ARHGAP26: variants seen among roughly 807,000 people sequenced by gnomAD.
The protein encoded by ARHGAP26 is rho GTPase-activating protein 26.
ARHGAP26 carries 38 observed loss-of-function variants against 104.8 expected under a neutral mutation model. The ratio of observed to expected loss-of-function variants is 0.36; its 90% CI spans 0.28 to 0.48. The LOEUF is 0.48. ARHGAP26 is among the 20% of genes least tolerant of loss of function. The pLI, the probability that ARHGAP26 is intolerant of heterozygous loss-of-function variation, is 0.99. For missense variants in ARHGAP26, 704 were observed against 947.9 expected, an observed-to-expected ratio of 0.74 and a Z score of 3.38; for synonymous variants, 341 against 340.0, an observed-to-expected ratio of 1.00 and a Z score of -0.03.
intron 19 of ARHGAP26, among the ~76,000 whole-genome samples, chr5:143,136,531 G>C (rs1282921967): frequency 6.6e-6 from 1 of 152,148 alleles, no homozygotes; most frequent in East Asian, 1.9e-4. Flanking sequence ...ATTTATATGG[G>C]TGTCTGTGTG....
In ARHGAP26 at chr5:143,102,633, G is replaced by A. The variant is rs148948523; in HGVS notation, c.1539-18355G>A. 1.6e-3 allele frequency among the ~76,000 whole-genome samples: 237 copies of A among 152,340 alleles called. 2 individuals carry two copies. The highest frequency in any genetic ancestry group is 5.5e-3 in the African/African-American group (228 of 41,580). ...TTGCGTCGCCCATCCGGGCTCTAGGGAGACAGAGACTCTTTCATTGCACAG... is the reference window on the plus strand; with the variant it reads ...TTGCGTCGCCCATCCGGGCTCTAGGAAGACAGAGACTCTTTCATTGCACAG... On this transcript the variant is annotated intron_variant, in intron 17 of 22. Transcript: ENST00000645722.
At chr5:142,833,435 T>C (rs1165431924) in intron 1 of ARHGAP26, among the ~76,000 whole-genome samples, 1 of 152,204 alleles carries the variant, frequency 6.6e-6, no homozygotes, top group East Asian at 1.9e-4. Flanking sequence ...GTTTCTGTTT[T>C]ATGGATATAA....
chr5:142,980,287 C>T (rs1773728417), intron 11 of ARHGAP26, among the ~76,000 whole-genome samples: 1 of 152,132 alleles, frequency 6.6e-6, no homozygotes, highest in African/African-American at 2.4e-5. Flanking sequence ...ACTAATTATT[C>T]ATTCTTCGAT....
intron 20 of ARHGAP26, among the ~76,000 whole-genome samples, chr5:143,166,272 A>G (rs1801935064): frequency 6.6e-6 from 1 of 152,126 alleles, no homozygotes; most frequent in African/African-American, 2.4e-5. Context: ...CCTGTTGGAC[A>G]CCCTCAGATC....
rs367794680 is a variant in ARHGAP26, at chr5:143,008,037, G to GT, written c.1108-6036dup. The stretch of plus-strand genomic sequence containing the variant: ...ATCACCAGAAGAGGCTTTTTGTTTT[G>GT]TTTTTTTAAACACAAAGTGGGAAGA... On this transcript the variant is annotated intron_variant, in intron 11 of 22. Coordinates refer to ENST00000645722, the MANE Select transcript of ARHGAP26 (RefSeq NM_001135608.3). 3.9e-5 allele frequency among the ~76,000 whole-genome samples: 6 copies of GT among 152,118 alleles called. No individual in the cohort carries two copies. The East Asian group carries it at 9.7e-4, about 24-fold the overall frequency.
intron 11 of ARHGAP26, among the ~76,000 whole-genome samples, chr5:142,965,529 C>T (rs946889414): frequency 1.7e-4 from 26 of 152,228 alleles, no homozygotes; most frequent in Non-Finnish European, 3.1e-4. Flanking sequence ...CTGGTCACAC[C>T]TCACTATGTC....
chr5:143,095,649 A>G (rs906791078), intron 17 of ARHGAP26, among the ~76,000 whole-genome samples: 1 of 151,992 alleles, frequency 6.6e-6, no homozygotes, highest in African/African-American at 2.4e-5. Flanking sequence ...GCTCACTGCA[A>G]CCTCCACCTC....
intron 20 of ARHGAP26, among the ~76,000 whole-genome samples, chr5:143,187,773 A>T (rs1236825777): frequency 6.6e-6 from 1 of 152,222 alleles, no homozygotes; most frequent in Non-Finnish European, 1.5e-5. Flanking sequence ...AGTCAGTGAC[A>T]GGGGAGTGTC....
At chr5:143,141,646 G>A (rs1798552397) in intron 19 of ARHGAP26, among the ~76,000 whole-genome samples, 1 of 152,190 alleles carries the variant, frequency 6.6e-6, no homozygotes, top group Non-Finnish European at 1.5e-5. Context: ...CTTCTAATGA[G>A]CAAGAATATA....
intron 20 of ARHGAP26, among the ~76,000 whole-genome samples, chr5:143,167,407 G>A (rs1014825790): frequency 3.5e-5 from 5 of 142,666 alleles, no homozygotes; most frequent in East Asian, 4.0e-4. Context: ...ACTTGAACCC[G>A]GGGGGGAAGA....
intron 4 of ARHGAP26, among the ~76,000 whole-genome samples, chr5:142,883,858 G>A (rs1034025267): frequency 6.6e-6 from 1 of 152,156 alleles, no homozygotes; most frequent in African/African-American, 2.4e-5. Flanking sequence ...GTTAATCATG[G>A]TTCTCCTACT....
chr5:143,192,981 CT>C (rs1295240235), intron 20 of ARHGAP26, among the ~76,000 whole-genome samples: 2 of 152,110 alleles, frequency 1.3e-5, no homozygotes, highest in African/African-American at 4.8e-5. Flanking sequence ...TTTTGCTTTC[CT>C]TGGCTTCAGT....
intron 17 of ARHGAP26, among the ~76,000 whole-genome samples, chr5:143,060,195 A>C (rs1786499566): frequency 6.6e-6 from 1 of 152,150 alleles, no homozygotes; most frequent in East Asian, 1.9e-4. Context: ...CTACTTACTT[A>C]ATGGTCAGCT....
At chr5:142,924,863 G>A (rs185650210) in intron 10 of ARHGAP26, among the ~76,000 whole-genome samples, 2 of 152,322 alleles carry the variant, frequency 1.3e-5, no homozygotes, top group African/African-American at 4.8e-5. Flanking sequence ...TGGATGACCT[G>A]GAGATACTCT....
rs529757681 is a variant in ARHGAP26, at chr5:143,034,260, G to T, written c.1145-2936G>T. Among the ~76,000 whole-genome samples, 54 of 152,222 alleles carry T rather than the reference G, an allele frequency of 3.5e-4. 1 individual carries two copies. Among genetic ancestry groups the T allele is most frequent in the Admixed American group, 1.0e-3 (16 of 15,284 alleles). ...GCCACTCCTAGGTGTATACTCAAAA[G>T]AAATGAAAATACCAGTTCACACAGA... On this transcript the variant is annotated intron_variant, in intron 12 of 22. Coordinates refer to ENST00000645722, the MANE Select transcript of ARHGAP26 (RefSeq NM_001135608.3).
At chr5:143,149,816 T>A (rs1438733) in intron 20 of ARHGAP26, among the ~76,000 whole-genome samples, 106,157 of 151,950 alleles carry the variant, frequency 0.7, 37,532 homozygotes, top group Middle Eastern at 0.85. Context: ...TGACTATTAA[T>A]TATGCATGAG....
chr5:143,038,909 T>C (rs1783053651), intron 13 of ARHGAP26, among the ~76,000 whole-genome samples: 1 of 152,040 alleles, frequency 6.6e-6, no homozygotes, highest in African/African-American at 2.4e-5. Flanking sequence ...TTGGCCAGGA[T>C]GGTCTCGATC....
At chr5:142,916,897 G>T (rs770279958) in intron 10 of ARHGAP26, among the ~76,000 whole-genome samples, 2 of 152,130 alleles carry the variant, frequency 1.3e-5, no homozygotes, top group African/African-American at 4.8e-5. Context: ...ACCCAGGGGG[G>T]TAGGTCCTCC....
chr5:142,797,993 T>A (rs1230476757), intron 1 of ARHGAP26, among the ~76,000 whole-genome samples: 1 of 152,232 alleles, frequency 6.6e-6, no homozygotes, highest in South Asian at 2.1e-4. Flanking sequence ...TTTTCCGCTA[T>A]GTCCCAGCCT....
Sources: allele counts gnomAD v4.1 joint callset (sites outside exome capture counted in the v4.1 genomes callset), GRCh38; gene constraint gnomAD v4.1.1; transcripts MANE v1.5; gene names NCBI Gene and HGNC (gene_info 2026-07-23, HGNC 2026-07-21).